Variants in EYA4 observed in about 807,000 individuals in gnomAD.
EYA4 encodes the protein protein phosphatase EYA4.
In EYA4, 31 loss-of-function variants were observed where a neutral mutation model predicts 87.9. The observed-to-expected ratio is 0.35, with a 90% CI of 0.27 to 0.48. EYA4 has a LOEUF of 0.48. EYA4 is among the 20% of genes least tolerant of loss of function. The pLI, the probability that EYA4 is intolerant of heterozygous loss-of-function variation, is 0.99. For missense variants in EYA4, 678 were observed against 761.4 expected (o/e 0.89, Z 1.29); for synonymous variants, 263 against 270.6 (o/e 0.97, Z 0.28).
chr6:133,476,999 GT>G (rs752931035), intron 11 of EYA4, among the ~76,000 whole-genome samples: 1 of 149,666 alleles, frequency 6.7e-6, no homozygotes, highest in African/African-American at 2.5e-5. Context: ...AAATCTGACA[GT>G]TTTATACATG....
chr6:133,286,167 G>A (rs17062270), intron 2 of EYA4, among the ~76,000 whole-genome samples: 27,473 of 152,098 alleles, frequency 0.18, 2,923 homozygotes, highest in East Asian at 0.41. Flanking sequence ...GGAGGCCTCA[G>A]GGAAACAATG....
intron 3 of EYA4, among the ~76,000 whole-genome samples, chr6:133,399,841 C>G (rs1046053955): frequency 6.6e-6 from 1 of 152,020 alleles, no homozygotes; most frequent in Non-Finnish European, 1.5e-5. Context: ...TGTTTAATGT[C>G]AGTGTATAAA....
intron 11 of EYA4, among the ~76,000 whole-genome samples, chr6:133,475,689 C>T (rs906842046): frequency 4.6e-5 from 7 of 152,132 alleles, no homozygotes; most frequent in African/African-American, 1.4e-4. Flanking sequence ...TGTGGCATTG[C>T]TATGCCCTTG....
chr6:133,450,270 G>C (rs4895966), intron 5 of EYA4, among the ~76,000 whole-genome samples: 24,138 of 152,058 alleles, frequency 0.16, 3,138 homozygotes, highest in African/African-American at 0.34. Context: ...CAGGCCTGAG[G>C]CACCGTGCCC....
chr6:133,297,782 G>A (rs1192171407), intron 2 of EYA4, among the ~76,000 whole-genome samples: 1 of 152,182 alleles, frequency 6.6e-6, no homozygotes, highest in Admixed American at 6.5e-5. Context: ...CTGATTCACA[G>A]TAGTTCTTGC....
chr6:133,297,704 A>T (rs1231722947), intron 2 of EYA4, among the ~76,000 whole-genome samples: 1 of 152,224 alleles, frequency 6.6e-6, no homozygotes, highest in Non-Finnish European at 1.5e-5. Context: ...CCCACCAGGC[A>T]TTAAAAGATG....
intron 1 of EYA4, among the ~76,000 whole-genome samples, chr6:133,246,518 A>G (rs1033992518): frequency 6.6e-6 from 1 of 152,014 alleles, no homozygotes; most frequent in African/African-American, 2.4e-5. Context: ...CTATTATCAC[A>G]TGAATATTTT....
chr6:133,487,207 A>G (rs1023306984), intron 13 of EYA4, among the ~76,000 whole-genome samples: 1 of 152,198 alleles, frequency 6.6e-6, no homozygotes, highest in African/African-American at 2.4e-5. Flanking sequence ...AGTCCTAGCT[A>G]GAGAAGAATC....
rs1365510832 is a variant in EYA4 at position 133,472,851 on chromosome 6, G to A, written c.970+4120G>A. Among the ~76,000 whole-genome samples, 3 of 143,108 alleles carry A rather than the reference G, an allele frequency of 2.1e-5. No homozygotes were observed. The Admixed American group carries it at 2.1e-4, about 10-fold the overall frequency. 93.9% of individuals were successfully genotyped at this position (143,108 alleles called of 152,430 possible). A position where few individuals can be genotyped will look rare whatever the true frequency, so the allele number is the denominator to read the frequency against. On this transcript the variant is annotated intron_variant, in intron 11 of 19. Transcript: ENST00000355286. ...TTGATCCCTTTACCATTATGTAATG[G>A]CCTTCTTTGTCTCTTTTGATCTTTG...
At chr6:133,326,466 T>C (rs1781506760) in intron 2 of EYA4, among the ~76,000 whole-genome samples, 1 of 152,224 alleles carries the variant, frequency 6.6e-6, no homozygotes, top group Non-Finnish European at 1.5e-5. Context: ...GAAACACTTC[T>C]GGTCCCAAGC....
At chr6:133,282,431 A>C (rs1313076267) in intron 2 of EYA4, among the ~76,000 whole-genome samples, 1 of 152,138 alleles carries the variant, frequency 6.6e-6, no homozygotes, top group Non-Finnish European at 1.5e-5. Context: ...ACTTCTAAGT[A>C]TTTTTTAAAC....
rs372106907 is a variant in EYA4, at chr6:133,378,987, T to C, written c.34-3405T>C. 5.3e-5 allele frequency among the ~76,000 whole-genome samples: 8 copies of C among 151,342 alleles called. 1 individual carries two copies. The highest frequency in any genetic ancestry group is 3.9e-4 in the East Asian group (2 of 5,160). ...TATTTCTATGGAAAAATTTTCAACA[T>C]TTATTTTTTTATTTATTGGCCCACC... On this transcript the variant is annotated intron_variant, in intron 2 of 19. Coordinates refer to ENST00000355286, the MANE Select transcript of EYA4 (RefSeq NM_004100.5).
In EYA4 at chr6:133,448,160, C is replaced by T; in HGVS notation, c.258C>T (p.Asn86=). The T allele has an allele frequency of 1.2e-6, 2 of 1,613,278 alleles. No individual in the cohort carries two copies. The highest frequency in any genetic ancestry group is 1.7e-6 in the Non-Finnish European group (2 of 1,179,234). ...CAGCAGACTGGTTGCTGAGTTGCAA[C>T]ACCCCCTCTTCTGCAACAAGTATGA... ...LNTADWLLSC[N]TPSSATMSLL... is the part of the protein sequence containing the mutation. The change falls in exon 5 of 20, where the codon AAC becomes AAT. Residue 86 remains asparagine, a synonymous_variant. Coordinates refer to ENST00000355286, the MANE Select transcript of EYA4 (RefSeq NM_004100.5).
At chr6:133,318,203 T>A (rs981954325) in intron 2 of EYA4, among the ~76,000 whole-genome samples, 31 of 152,208 alleles carry the variant, frequency 2.0e-4, no homozygotes, top group Non-Finnish European at 2.9e-5. Context: ...GCAATTTAAG[T>A]CTCTGCCTTG....
At chr6:133,513,736 A>G (rs1799358853) in intron 16 of EYA4, among the ~76,000 whole-genome samples, 1 of 152,158 alleles carries the variant, frequency 6.6e-6, no homozygotes, top group South Asian at 2.1e-4. Context: ...TATTAGAATC[A>G]ATTTTAGGTA....
chr6:133,454,007 G>A (rs1447212026), intron 5 of EYA4, among the ~76,000 whole-genome samples: 1 of 152,026 alleles, frequency 6.6e-6, no homozygotes, highest in Non-Finnish European at 1.5e-5. Context: ...CTTTCAAATT[G>A]AAGAGATTAT....
At chr6:133,264,814 C>G (rs1325048996) in intron 1 of EYA4, among the ~76,000 whole-genome samples, 1 of 152,026 alleles carries the variant, frequency 6.6e-6, no homozygotes, top group Non-Finnish European at 1.5e-5. Context: ...CCTGGACAAC[C>G]TAGGTTTCTT....
At chr6:133,272,288 G>T (rs548171484) in intron 1 of EYA4, among the ~76,000 whole-genome samples, 23 of 152,300 alleles carry the variant, frequency 1.5e-4, no homozygotes, top group African/African-American at 4.6e-4. Context: ...CCCGATGAGG[G>T]CATCGATGCA....
At chr6:133,452,430 G>C (rs1434016872) in intron 5 of EYA4, among the ~76,000 whole-genome samples, 1 of 152,048 alleles carries the variant, frequency 6.6e-6, no homozygotes, top group Non-Finnish European at 1.5e-5. Context: ...TGAACTTTGA[G>C]TTATGATAAT....
Sources: gnomAD v4.1 joint callset for allele counts (sites outside exome capture counted in the v4.1 genomes callset) on GRCh38, gnomAD v4.1.1 for gene constraint, MANE v1.5 for transcripts, NCBI Gene and HGNC (gene_info 2026-07-23, HGNC 2026-07-21) for gene names.